The following SLC22A23 variants were observed in gnomAD, a reference collection of about 807,000 sequenced individuals.
SLC22A23 encodes the protein ion transporter protein.
In SLC22A23, 26 loss-of-function variants were observed where a neutral mutation model predicts 61.0. That is an observed-to-expected ratio of 0.43 (90% CI 0.31 to 0.59). The LOEUF (loss-of-function observed/expected upper bound fraction) is 0.59. Among genes scored for constraint, SLC22A23 ranks in the 20% least tolerant of loss-of-function variants. The pLI is 0.11. For missense variants in SLC22A23, 796 were observed against 934.7 expected (o/e 0.85, Z 1.94); for synonymous variants, 430 against 413.9 (o/e 1.04, Z -0.47).
chr6:3,320,656 T>C (rs1043877672), intron 4 of SLC22A23, among the ~76,000 whole-genome samples: 8 of 152,156 alleles, frequency 5.3e-5, no homozygotes, highest in African/African-American at 1.9e-4. Context: ...CTGCAGCAGA[T>C]GGGAGGAAGA....
intron 1 of SLC22A23, among the ~76,000 whole-genome samples, chr6:3,421,742 G>A (rs1240416048): frequency 6.6e-6 from 1 of 152,100 alleles, no homozygotes; most frequent in Non-Finnish European, 1.5e-5. Flanking sequence ...CACAGTGGTA[G>A]CGATGGTGGG....
Position 3,304,916 on chromosome 6 carries a change from T to A in SLC22A23, c.1083-6698A>T, listed in dbSNP as rs892287620. On this transcript the variant is annotated intron_variant, in intron 4 of 9. Coordinates refer to ENST00000406686, the MANE Select transcript of SLC22A23 (RefSeq NM_015482.2). The surrounding 1 kb of genome is among the most constrained non-coding windows in gnomAD (Gnocchi z 4.3). Reference sequence around the variant, plus strand: ...GGAGAGGGATGCAGGGCCCAGGGAGTGGAAGATCCTGAGTGTTATGGGCTC... The same window carrying A: ...GGAGAGGGATGCAGGGCCCAGGGAGAGGAAGATCCTGAGTGTTATGGGCTC... Among the ~76,000 whole-genome samples, 2 of 151,208 alleles carry A rather than the reference T, an allele frequency of 1.3e-5. No individual in the cohort carries two copies. Among genetic ancestry groups the A allele is most frequent in the Non-Finnish European group, 2.9e-5 (2 of 67,818 alleles).
At chr6:3,403,690 C>T (rs745717819) in intron 3 of SLC22A23, among the ~76,000 whole-genome samples, 21 of 152,182 alleles carry the variant, frequency 1.4e-4, no homozygotes, top group Non-Finnish European at 2.8e-4. Context: ...TTCACTGCCC[C>T]CACTCCCACC....
Position 3,426,162 on chromosome 6 carries a change from A to G in SLC22A23, c.655-10307T>C, listed in dbSNP as rs182500405. Reference sequence around the variant, plus strand: ...ATCTTTTTTAAATAGAATTTTTAGTACTGAAATGTTGAAAAAAGTTATGAT... The same window carrying G: ...ATCTTTTTTAAATAGAATTTTTAGTGCTGAAATGTTGAAAAAAGTTATGAT... On this transcript the variant is annotated intron_variant, in intron 1 of 9. Transcript: ENST00000406686. 2.2e-3 allele frequency among the ~76,000 whole-genome samples: 328 copies of G among 152,352 alleles called. 3 individuals are homozygous for G. Among genetic ancestry groups the G allele is most frequent in the African/African-American group, 7.6e-3 (315 of 41,580 alleles).
At chr6:3,439,061 A>G (rs1331983884) in intron 1 of SLC22A23, among the ~76,000 whole-genome samples, 1 of 147,788 alleles carries the variant, frequency 6.8e-6, no homozygotes, top group Non-Finnish European at 1.5e-5. Context: ...AACTTGCCGT[A>G]TTTGGGGCCG....
At chr6:3,364,460 A>G (rs1211210085) in intron 3 of SLC22A23, among the ~76,000 whole-genome samples, 2 of 152,166 alleles carry the variant, frequency 1.3e-5, no homozygotes, top group Non-Finnish European at 2.9e-5. Flanking sequence ...CTTAAAAAAA[A>G]ATTCATTCCC....
In SLC22A23 at chr6:3,376,246, T is replaced by C. The variant is rs189337274; in HGVS notation, c.913+33942A>G. Among the ~76,000 whole-genome samples the C allele has an allele frequency of 2.3e-4, 35 of 152,282 alleles. No homozygotes were observed. The East Asian group carries it at 5.2e-3, about 23-fold the overall frequency. On this transcript the variant is annotated intron_variant, in intron 3 of 9. Transcript: ENST00000406686. ...GGACACCCAGCTGCCTCCTCCTCCT[T>C]CTTCATTTCAACGTCTGATTTGAGC... is the stretch of plus-strand genomic sequence containing the variant.
At chr6:3,384,444 A>C (rs1036623172) in intron 3 of SLC22A23, among the ~76,000 whole-genome samples, 3 of 152,218 alleles carry the variant, frequency 2.0e-5, no homozygotes, top group African/African-American at 7.2e-5. Flanking sequence ...AAAATCACTT[A>C]AAAAACACAT....
At chr6:3,424,209 A>G (rs1192925409) in intron 1 of SLC22A23, among the ~76,000 whole-genome samples, 2 of 152,128 alleles carry the variant, frequency 1.3e-5, no homozygotes, top group African/African-American at 4.8e-5. Context: ...CAGCCTTGCC[A>G]AAGTGCTCAC....
In SLC22A23 at chr6:3,270,818, T is replaced by G. The variant is rs1758428493; in HGVS notation, c.*2237A>C. 6.6e-6 allele frequency: 1 copy of G among 151,444 alleles called. No individual in the cohort carries two copies. 9.4% of individuals were successfully genotyped at this position (151,444 alleles called of 1,614,324 possible). On this transcript the variant is annotated 3_prime_UTR_variant, in exon 10 of 10. Coordinates refer to ENST00000406686, the MANE Select transcript of SLC22A23 (RefSeq NM_015482.2). ...ACTTCCTAGAGATTTCGGGCAGCAC[T>G]CTACAGCTTCAATTTCCAAAAAAAA...
In SLC22A23 at chr6:3,372,487, C is replaced by T. The variant is rs758694069; in HGVS notation, c.913+37701G>A. 1.4e-4 allele frequency among the ~76,000 whole-genome samples: 21 copies of T among 152,346 alleles called. No individual in the cohort carries two copies. Among genetic ancestry groups the T allele is most frequent in the Middle Eastern group, 3.4e-3 (1 of 294 alleles). ...CAGGGAGATCTTTCTTACACTTGAG[C>T]TTTACTGTCTTGTGTGGAAGGAACA... On this transcript the variant is annotated intron_variant, in intron 3 of 9. Coordinates refer to ENST00000406686, the MANE Select transcript of SLC22A23 (RefSeq NM_015482.2). This position sits in a 1 kb window ranked among gnomAD's most constrained non-coding sequence, Gnocchi z 4.7.
rs770495622 is a variant in SLC22A23 at position 3,410,348 on chromosome 6, T to C, written c.759-6A>G. Reference sequence around the variant, plus strand: ...GCACAGGCCGCCGGCCGACCCTGCATATGGAGAGGGAAAAAGTTAGGAATC... The same window carrying C: ...GCACAGGCCGCCGGCCGACCCTGCACATGGAGAGGGAAAAAGTTAGGAATC... On this transcript the variant is annotated splice_region_variant and splice_polypyrimidine_tract_variant and intron_variant, in intron 2 of 9. Coordinates refer to ENST00000406686, the MANE Select transcript of SLC22A23 (RefSeq NM_015482.2). This position sits in a 1 kb window ranked among gnomAD's most constrained non-coding sequence, Gnocchi z 5.0. The C allele has an allele frequency of 8.2e-6, 13 of 1,587,990 alleles. No individual in the cohort carries two copies. The South Asian group carries it at 1.4e-4, about 17-fold the overall frequency.
chr6:3,330,998 A>ATG lies in SLC22A23; in HGVS notation c.914-6997_914-6996insCA, dbSNP rs1473123931. ...ACTACTAGGCGAAGTAACAGCTCTC[A>ATG]CTTGCTGAAAGCTAAATGCTTTGGG... On this transcript the variant is annotated intron_variant, in intron 3 of 9. Coordinates refer to ENST00000406686, the MANE Select transcript of SLC22A23 (RefSeq NM_015482.2). The surrounding 1 kb of genome is among the most constrained non-coding windows in gnomAD (Gnocchi z 4.7). Among the ~76,000 whole-genome samples, 1 of 152,214 alleles carries ATG rather than the reference A, an allele frequency of 6.6e-6. No homozygotes were observed. The highest frequency in any genetic ancestry group is 2.4e-5 in the African/African-American group (1 of 41,458).
At chr6:3,301,270 A>T (rs1162962306) in intron 4 of SLC22A23, among the ~76,000 whole-genome samples, 1 of 152,160 alleles carries the variant, frequency 6.6e-6, no homozygotes, top group Non-Finnish European at 1.5e-5. Flanking sequence ...ATAGACATAG[A>T]GGTCATTATT....
chr6:3,421,677 T>C (rs1182479115), intron 1 of SLC22A23, among the ~76,000 whole-genome samples: 1 of 152,080 alleles, frequency 6.6e-6, no homozygotes, highest in Non-Finnish European at 1.5e-5. Flanking sequence ...CTACGATGAA[T>C]CTATAAGCCC....
rs1760077265 is a variant in SLC22A23, at chr6:3,287,023, A to G, written c.1382T>C (p.Leu461Pro). 1.2e-6 allele frequency: 2 copies of G among 1,614,100 alleles called. No homozygotes were observed. The highest frequency in any genetic ancestry group is 1.7e-6 in the Non-Finnish European group (2 of 1,180,050). ...SMMGHEVKVP[L>P]LENFYADYYT... ...GTAGTCAGCATAGAAGTTCTCCAGG[A>G]GCGGCACCTTCACCTCGTGGCCCAT... The change falls in exon 7 of 10, where the codon CTC becomes CCC. Residue 461 changes from leucine (L) to proline (P), a missense_variant. Physicochemically the swap from Leu to Pro is moderately conservative, Grantham distance 98. Transcript: ENST00000406686.
At chr6:3,441,258 C>G (rs1488217221) in intron 1 of SLC22A23, among the ~76,000 whole-genome samples, 1 of 152,104 alleles carries the variant, frequency 6.6e-6, no homozygotes, top group Non-Finnish European at 1.5e-5. Flanking sequence ...GTGGACAGAC[C>G]CTTTGGGTGG....
At chr6:3,408,928 G>T (rs1018372715) in intron 3 of SLC22A23, among the ~76,000 whole-genome samples, 72 of 152,352 alleles carry the variant, frequency 4.7e-4, no homozygotes, top group African/African-American at 1.7e-3. Context: ...ATTGCCTGAG[G>T]GCAGGACCAG....
intron 3 of SLC22A23, among the ~76,000 whole-genome samples, chr6:3,351,344 G>A (rs918324990): frequency 2.0e-5 from 3 of 152,194 alleles, no homozygotes; most frequent in African/African-American, 4.8e-5. Flanking sequence ...GCCTCTTAGG[G>A]TGGAAAACGA....
Sources: allele counts gnomAD v4.1 joint callset (sites outside exome capture counted in the v4.1 genomes callset), GRCh38; gene constraint gnomAD v4.1.1; non-coding constraint Gnocchi (gnomAD v3.1); transcripts MANE v1.5; gene names NCBI Gene and HGNC (gene_info 2026-07-23, HGNC 2026-07-21).